Variants in GIGYF1 observed in about 807,000 individuals in gnomAD.
The protein encoded by GIGYF1 is GRB10 interacting GYF protein 1, also known as GRB10-interacting GYF protein 1.
GIGYF1 carries 84 observed loss-of-function variants against 147.1 expected under a neutral mutation model. The observed-to-expected ratio is 0.57, with a 90% confidence interval of 0.48 to 0.68. The LOEUF (loss-of-function observed/expected upper bound fraction) is 0.68. GIGYF1 is among the 30% of genes least tolerant of loss of function. The pLI is 0.00. For synonymous variants in GIGYF1, 752 were observed against 589.5 expected, an observed-to-expected ratio of 1.28 and a Z score of -3.99; for missense variants, 1,485 against 1,393.7, an observed-to-expected ratio of 1.07 and a Z score of -1.04.
At chr7:100,685,758 CA>C (rs1236227104) in intron 12 of GIGYF1, among the ~76,000 whole-genome samples, 2 of 152,212 alleles carry the variant, frequency 1.3e-5, no homozygotes, top group African/African-American at 4.8e-5. Flanking sequence ...AAGGGACTTT[CA>C]AAGGTCATTT....
At position 100,682,694 on chromosome 7, in the gene GIGYF1, C is replaced by T; in HGVS notation, c.2496G>A (p.Gly832=). 6.3e-7 allele frequency: 1 copy of T among 1,598,826 alleles called. No individual in the cohort carries two copies. The change falls in exon 23 of 27, where the codon GGG becomes GGA. Residue 832 remains glycine (G), a synonymous_variant. Coordinates refer to ENST00000678049, the MANE Select transcript of GIGYF1 (RefSeq NM_001375765.1). The part of the protein sequence containing the change: ...GPLWGGPDKS[G]GGSSGLGLWE... ...AGAGCCCCAGGCCGCTGCTGCCGCCCCCACTCTTGTCTGGCCCGCCCCACA... is the reference window on the plus strand; with the variant it reads ...AGAGCCCCAGGCCGCTGCTGCCGCCTCCACTCTTGTCTGGCCCGCCCCACA...
At chr7:100,687,719 C>T (rs1358206365) in intron 6 of GIGYF1, 69 bp downstream of exon 6, 2 of 1,533,498 alleles carry the variant, frequency 1.3e-6, no homozygotes, top group Non-Finnish European at 1.8e-6. Flanking sequence ...GCTGGCCCCT[C>T]TCCTCCTAAC....
At chr7:100,685,185 G>C (rs200863216) in intron 13 of GIGYF1, 39 bp from the exon 14 acceptor site, 29 of 1,530,474 alleles carry the variant, frequency 1.9e-5, no homozygotes, top group African/African-American at 9.6e-5. Context: ...GAAGGGCGGG[G>C]AGGAGACAAG....
chr7:100,687,546 A>G lies in GIGYF1; in HGVS notation c.332T>C (p.Leu111Pro), dbSNP rs760083710. The change falls in exon 7 of 27, where the codon CTG becomes CCG. Residue 111 changes from leucine to proline, a missense_variant. Coordinates refer to ENST00000678049, the MANE Select transcript of GIGYF1 (RefSeq NM_001375765.1). Reference sequence around the variant, plus strand: ...GCCCCTGCCTCGGGAGGTGCCAGCCAGGGGGGGGCCAGCCCCTTTCCCCAT... The same window carrying G: ...GCCCCTGCCTCGGGAGGTGCCAGCCGGGGGGGGGCCAGCCCCTTTCCCCAT... Reference protein sequence around the residue: ...RLMGKGAGPPLAGTSRGRGST... With the variant: ...RLMGKGAGPPPAGTSRGRGST... 139 of 1,609,874 alleles carry G rather than the reference A, an allele frequency of 8.6e-5. No individual in the cohort carries two copies. The highest frequency in any genetic ancestry group is 1.1e-4 in the Non-Finnish European group (131 of 1,178,182).
chr7:100,679,742 G>C lies in GIGYF1; in HGVS notation c.*1977C>G, dbSNP rs1370378408. On this transcript the variant is annotated 3_prime_UTR_variant, in exon 27 of 27. Coordinates refer to ENST00000678049, the MANE Select transcript of GIGYF1 (RefSeq NM_001375765.1). ...CAGGGTCTGAGTCCCTGGGCAGGGGGGCTCAGGGGCTTGTAAACATTGACC... is the reference window on the plus strand; with the variant it reads ...CAGGGTCTGAGTCCCTGGGCAGGGGCGCTCAGGGGCTTGTAAACATTGACC... The C allele has an allele frequency of 2.0e-5, 3 of 152,648 alleles. No individual in the cohort carries two copies. In the East Asian group the frequency reaches 5.8e-4, roughly 30 times the overall value. The allele number at this position is 152,648 out of a possible 1,614,324, so 9.5% of individuals were successfully genotyped here. A position where few individuals can be genotyped will look rare whatever the true frequency, so the allele number is the denominator to read the frequency against.
At position 100,684,838 on chromosome 7, in the gene GIGYF1, G is replaced by A; in HGVS notation, c.1347C>T (p.Phe449=). The part of the protein sequence containing the change: ...LQDSSLEEEQ[F]TAAMQTQGLR... The stretch of plus-strand genomic sequence containing the variant: ...GGCCCTGGGTCTGCATGGCAGCCGT[G>A]AACTGCTCCTCCTCCAAGGAGCTGT... The change falls in exon 15 of 27, where the codon TTC becomes TTT. Residue 449 remains phenylalanine (F), a synonymous_variant. Coordinates refer to ENST00000678049, the MANE Select transcript of GIGYF1 (RefSeq NM_001375765.1). 6.2e-7 allele frequency: 1 copy of A among 1,607,116 alleles called. No individual in the cohort carries two copies. Among genetic ancestry groups the A allele is most frequent in the Non-Finnish European group, 8.5e-7 (1 of 1,176,312 alleles).
Position 100,684,098 on chromosome 7 carries a change from GGC to G in GIGYF1, c.1788_1789del (p.Pro597ThrfsTer62). On this transcript the variant is annotated frameshift_variant, in exon 18 of 27. Coordinates refer to ENST00000678049, the MANE Select transcript of GIGYF1 (RefSeq NM_001375765.1). LOFTEE classifies it high-confidence loss of function. ...CTGCTGCTGTGGCGGCGGCGGTGGT[GGC>G]GGTGTCAGGTCCCCCAGAGCTGCCT... 6.2e-7 allele frequency: 1 copy of G among 1,607,330 alleles called. No homozygotes were observed. The highest frequency in any genetic ancestry group is 8.5e-7 in the Non-Finnish European group (1 of 1,179,686).
Position 100,687,463 on chromosome 7 carries a change from C to T in GIGYF1, c.373+42G>A, listed in dbSNP as rs760384307. The T allele has an allele frequency of 3.1e-6, 5 of 1,604,826 alleles. No individual in the cohort carries two copies. In the Admixed American group the frequency reaches 8.4e-5, roughly 27 times the overall value. On this transcript the variant is annotated intron_variant, in intron 7 of 26. Coordinates refer to ENST00000678049, the MANE Select transcript of GIGYF1 (RefSeq NM_001375765.1). ...TGCTGCACGTTCTCGAAGTCAGGGG[C>T]CCAGATCTGCCCGTCCCCAGGACAC...
In GIGYF1 at chr7:100,686,016, C is replaced by T. The variant is rs748780678; in HGVS notation, c.1012G>A (p.Glu338Lys). 1 of 1,612,910 alleles carries T rather than the reference C, an allele frequency of 6.2e-7. No individual in the cohort carries two copies. The highest frequency in any genetic ancestry group is 8.5e-7 in the Non-Finnish European group (1 of 1,179,974). ...TCCTCTAGCCCTTCGGAAGGTTCCT[C>T]CTCCTCCTCCAACCCTTGGAAGTCC... is the stretch of plus-strand genomic sequence containing the variant. ...ELDFQGLEEE[E>K]EPSEGLEEEG... Residue 338 changes from glutamate to lysine, a missense_variant, in exon 12 of 27, where the codon GAG (glutamate) becomes AAG (lysine). Transcript: ENST00000678049.
Position 100,683,452 on chromosome 7 carries a change from C to T in GIGYF1, c.2053-8G>A, listed in dbSNP as rs1348076051. On this transcript the variant is annotated splice_polypyrimidine_tract_variant and splice_region_variant and intron_variant, in intron 20 of 26. Transcript: ENST00000678049. ...TTCTCTGCGCTCCTGGAACTGAGAC[C>T]AGTGGCCCATCAGAGGGGAGAGCTG... 6.2e-7 allele frequency: 1 copy of T among 1,614,158 alleles called. No individual in the cohort carries two copies. Among genetic ancestry groups the T allele is most frequent in the Non-Finnish European group, 8.5e-7 (1 of 1,180,006 alleles).
At chr7:100,692,746 C>T (rs1398950197) in intron 1 of GIGYF1, among the ~76,000 whole-genome samples, 1 of 152,206 alleles carries the variant, frequency 6.6e-6, no homozygotes, top group Non-Finnish European at 1.5e-5. Context: ...GGCCCCTGGT[C>T]CCCAGGCAAT....
In GIGYF1 at chr7:100,686,742, G is replaced by A. The variant is rs775799575; in HGVS notation, c.601C>T (p.Leu201=). The A allele has an allele frequency of 1.4e-5, 23 of 1,613,824 alleles. No homozygotes were observed. The East Asian group carries it at 4.7e-4, about 33-fold the overall frequency. Residue 201 remains leucine, a synonymous_variant, in exon 10 of 27, where the codon CTA becomes TTA. Transcript: ENST00000678049. Reference sequence around the variant, plus strand: ...TCCTCCTCCTCCTGTTCCTCCCGTAGGGAGCGCCAGTTCTCGCTGTCTGAG... The same window carrying A: ...TCCTCCTCCTCCTGTTCCTCCCGTAAGGAGCGCCAGTTCTCGCTGTCTGAG... ...ARSDSENWRS[L]REEQEEEEEG...
intron 12 of GIGYF1, 128 bp downstream of exon 12, chr7:100,685,846 C>T (rs1025699290): frequency 9.5e-6 from 7 of 740,538 alleles, no homozygotes; most frequent in East Asian, 2.7e-5. Context: ...CCCCACCTCT[C>T]AGCACTCTTC....
Position 100,681,533 on chromosome 7 carries a change from T to A in GIGYF1, c.*186A>T. On this transcript the variant is annotated 3_prime_UTR_variant, in exon 27 of 27. Transcript: ENST00000678049. ...AAAAAAAATAAAAAGAAAAACCCCCTCCCCCAGTCTGTAAAGTGCCTCGTG... is the reference window on the plus strand; with the variant it reads ...AAAAAAAATAAAAAGAAAAACCCCCACCCCCAGTCTGTAAAGTGCCTCGTG... 8 of 426,696 alleles carry A rather than the reference T, an allele frequency of 1.9e-5. No homozygotes were observed. The highest frequency in any genetic ancestry group is 6.2e-5 in the African/African-American group (3 of 48,766). 26.4% of individuals were successfully genotyped at this position (426,696 alleles called of 1,614,324 possible).
chr7:100,684,383 G>A (rs557699093), intron 16 of GIGYF1, 46 bp from the exon 17 acceptor site: 5 of 1,599,258 alleles, frequency 3.1e-6, no homozygotes, highest in African/African-American at 2.7e-5. Flanking sequence ...GGGAGGAGGG[G>A]ACTCTGCTGG....
Position 100,688,230 on chromosome 7 carries a change from T to C in GIGYF1, c.9A>G (p.Ala3=), listed in dbSNP as rs935018861. 5.8e-6 allele frequency: 9 copies of C among 1,559,592 alleles called. No individual in the cohort carries two copies. Among genetic ancestry groups the C allele is most frequent in the Admixed American group, 1.7e-5 (1 of 58,384 alleles). ...ACTCAGGCCCAAAGTTGAGTGTCTC[T>C]GCTGCCATCGTGGGGCTGGGCGTGT... MA[A]ETLNFGPEWL... is the part of the protein sequence containing the mutation. The change falls in exon 4 of 27, where the codon GCA becomes GCG. Residue 3 remains alanine (A), a synonymous_variant. Transcript: ENST00000678049.
At chr7:100,685,875 T>C in intron 12 of GIGYF1, 99 bp downstream of exon 12, 1 of 952,700 alleles carries the variant, frequency 1.0e-6, no homozygotes, top group East Asian at 2.6e-5. Flanking sequence ...CTAAGTAGCC[T>C]GATTCTACAG....
intron 10 of GIGYF1, 24 bp from the exon 11 acceptor site, chr7:100,686,457 A>G (rs1259769703): frequency 6.4e-7 from 1 of 1,562,346 alleles, no homozygotes; most frequent in Non-Finnish European, 8.7e-7. Flanking sequence ...GTCAGGGAGA[A>G]GAAGAGTGGG....
chr7:100,692,030 G>A (rs1336500508), intron 1 of GIGYF1, among the ~76,000 whole-genome samples: 1 of 152,234 alleles, frequency 6.6e-6, no homozygotes, highest in African/African-American at 2.4e-5. Flanking sequence ...CCAACACAGA[G>A]CACTGTGCCT....
Sources: allele counts gnomAD v4.1 joint callset (sites outside exome capture counted in the v4.1 genomes callset), GRCh38; gene constraint gnomAD v4.1.1; transcripts MANE v1.5; gene names NCBI Gene and HGNC (gene_info 2026-07-23, HGNC 2026-07-21).